The following PCLO variants were observed in gnomAD, a reference collection of about 807,000 sequenced individuals.
PCLO encodes the protein piccolo presynaptic cytomatrix protein.
Under a neutral mutation model 427.5 loss-of-function variants are expected in PCLO, and 82 were observed. The ratio of observed to expected loss-of-function variants is 0.19; its 90% CI spans 0.16 to 0.23. The LOEUF is 0.23. Ranked by LOEUF, PCLO falls within the 10% of genes least tolerant of loss-of-function variation. The pLI is 1.00. For missense variants in PCLO, 6,239 were observed against 6,115.9 expected (o/e 1.02, Z -0.67); for synonymous variants, 2,357 against 2,155.4 (o/e 1.09, Z -2.59).
intron 3 of PCLO, among the ~76,000 whole-genome samples, chr7:82,983,845 T>C (rs1305264272): frequency 1.3e-5 from 2 of 151,942 alleles, no homozygotes; most frequent in East Asian, 1.9e-4. Context: ...ATAATCTCAC[T>C]GCAGCAATTC....
chr7:82,900,673 T>C (rs1348061715), intron 9 of PCLO, among the ~76,000 whole-genome samples: 2 of 151,660 alleles, frequency 1.3e-5, no homozygotes, highest in South Asian at 2.1e-4. Flanking sequence ...TTAAATGCAA[T>C]GTGGGATCCT....
At chr7:82,828,970 G>C (rs1792022563) in intron 16 of PCLO, among the ~76,000 whole-genome samples, 1 of 152,138 alleles carries the variant, frequency 6.6e-6, no homozygotes, top group Admixed American at 6.6e-5. Context: ...CTAAAAGGGG[G>C]CTGGACCCTG....
chr7:82,902,680 G>A lies in PCLO; in HGVS notation c.13499C>T (p.Thr4500Ile), dbSNP rs1278468312. The A allele has an allele frequency of 6.3e-7, 1 of 1,597,224 alleles. No individual in the cohort carries two copies. Among genetic ancestry groups the A allele is most frequent in the Non-Finnish European group, 8.6e-7 (1 of 1,165,830 alleles). The change falls in exon 9 of 25, where the codon ACA becomes ATA. Residue 4500 changes from threonine to isoleucine, a missense_variant. Transcript: ENST00000333891. ...YIFPHARIKITRDSKDHTVSG... is the reference protein window; with the variant it reads ...YIFPHARIKIIRDSKDHTVSG... ...AACTGTGTGATCCTTTGAGTCTCTT[G>A]TTATTTTTATCCTTGCGTGAGGAAA...
chr7:82,847,591 A>T (rs1000889092), intron 10 of PCLO, among the ~76,000 whole-genome samples: 9 of 152,320 alleles, frequency 5.9e-5, no homozygotes, highest in Non-Finnish European at 1.0e-4. Context: ...ACAAACAAAC[A>T]ATTAGAAACC....
At chr7:82,978,589 T>C (rs1008021055) in intron 3 of PCLO, among the ~76,000 whole-genome samples, 3 of 152,024 alleles carry the variant, frequency 2.0e-5, no homozygotes, top group Admixed American at 6.6e-5. Flanking sequence ...AAAAATACGA[T>C]GAATATATAT....
At chr7:82,898,231 A>C (rs1793953913) in intron 9 of PCLO, among the ~76,000 whole-genome samples, 1 of 151,426 alleles carries the variant, frequency 6.6e-6, no homozygotes, top group Non-Finnish European at 1.5e-5. Context: ...TCAGCATGAA[A>C]AAGGCAAATT....
chr7:82,986,037 C>A (rs560243673), intron 3 of PCLO, among the ~76,000 whole-genome samples: 7 of 151,812 alleles, frequency 4.6e-5, no homozygotes, highest in Non-Finnish European at 8.8e-5. Context: ...ATCATGATTA[C>A]TAATACCTTA....
rs189508411 is a variant in PCLO at position 83,071,314 on chromosome 7, T to C, written c.3300+62936A>G. Among the ~76,000 whole-genome samples, 18 of 152,350 alleles carry C rather than the reference T, an allele frequency of 1.2e-4. 1 individual carries two copies. The highest frequency in any genetic ancestry group is 9.1e-4 in the Admixed American group (14 of 15,304). ...TGAAACTACTAAAACTGTTTTAAAG[T>C]ATTTCTTAAATGTGACAATAGTTAT... On this transcript the variant is annotated intron_variant, in intron 3 of 24. Transcript: ENST00000333891.
chr7:83,002,688 T>A (rs1787853870), intron 3 of PCLO, among the ~76,000 whole-genome samples: 1 of 151,940 alleles, frequency 6.6e-6, no homozygotes, highest in African/African-American at 2.4e-5. Flanking sequence ...GACAAGATAA[T>A]GTTATACTGT....
intron 10 of PCLO, 24 bp downstream of exon 10, chr7:82,879,313 T>A: frequency 6.3e-7 from 1 of 1,583,722 alleles, no homozygotes; most frequent in Non-Finnish European, 8.6e-7. Context: ...CATTTTATTT[T>A]ACTGTAAAAT....
intron 6 of PCLO, among the ~76,000 whole-genome samples, chr7:82,932,814 T>C (rs10243189): frequency 0.55 from 83,476 of 151,812 alleles, 23,396 homozygotes; most frequent in East Asian, 0.8. Flanking sequence ...AAAACAAACA[T>C]CCTTAGGTTC....
At chr7:82,865,294 C>A (rs967528092) in intron 10 of PCLO, among the ~76,000 whole-genome samples, 1 of 152,104 alleles carries the variant, frequency 6.6e-6, no homozygotes, top group Non-Finnish European at 1.5e-5. Context: ...TCGAGACCAG[C>A]CTGACCAACA....
intron 3 of PCLO, among the ~76,000 whole-genome samples, chr7:82,969,836 G>A (rs1027277392): frequency 1.3e-5 from 2 of 152,090 alleles, no homozygotes; most frequent in African/African-American, 2.4e-5. Context: ...TTGCAATGCA[G>A]AAGAGAGAGA....
At position 82,757,211 on chromosome 7, in the gene PCLO, T is replaced by C. The variant is rs1053552873; in HGVS notation, c.*1364A>G. On this transcript the variant is annotated 3_prime_UTR_variant, in exon 25 of 25. Coordinates refer to ENST00000333891, the MANE Select transcript of PCLO (RefSeq NM_033026.6). Reference sequence around the variant, plus strand: ...CAGAAGACAGGCTTTTATTCCCTGCTGAGTGTTTTTTCCACAACTTCACGT... The same window carrying C: ...CAGAAGACAGGCTTTTATTCCCTGCCGAGTGTTTTTTCCACAACTTCACGT... 1 of 152,078 alleles carries C rather than the reference T, an allele frequency of 6.6e-6. No individual in the cohort carries two copies. Among genetic ancestry groups the C allele is most frequent in the Non-Finnish European group, 1.5e-5 (1 of 67,984 alleles). 9.4% of individuals were successfully genotyped at this position (152,078 alleles called of 1,614,324 possible).
In PCLO at chr7:82,827,870, T is replaced by C. The variant is rs1249867861; in HGVS notation, c.14343+3A>G. On this transcript the variant is annotated splice_donor_region_variant and intron_variant, in intron 17 of 24. Coordinates refer to ENST00000333891, the MANE Select transcript of PCLO (RefSeq NM_033026.6). ...CTGTCACCTAGAAATAATCTTGACA[T>C]ACCTGTTCCATGGAAATACTTTTAT... is the stretch of plus-strand genomic sequence containing the variant. 6.8e-7 allele frequency: 1 copy of C among 1,468,370 alleles called. No homozygotes were observed. 91.0% of individuals were successfully genotyped at this position (1,468,370 alleles called of 1,614,324 possible).
chr7:82,927,996 T>C (rs1262149265), intron 6 of PCLO, among the ~76,000 whole-genome samples: 1 of 152,206 alleles, frequency 6.6e-6, no homozygotes, highest in East Asian at 1.9e-4. Flanking sequence ...AAAATTTATT[T>C]ATTCATTTAT....
At chr7:83,071,867 T>C (rs111560109) in intron 3 of PCLO, among the ~76,000 whole-genome samples, 1 of 152,148 alleles carries the variant, frequency 6.6e-6, no homozygotes, top group Non-Finnish European at 1.5e-5. Flanking sequence ...TCATCAATAA[T>C]TACATATATC....
chr7:83,116,950 T>A (rs1188632445), intron 3 of PCLO, among the ~76,000 whole-genome samples: 2 of 152,176 alleles, frequency 1.3e-5, no homozygotes, highest in African/African-American at 4.8e-5. Flanking sequence ...TATCTATCAA[T>A]GGATGAATGA....
Position 82,949,738 on chromosome 7 carries a change from G to T in PCLO, c.10850C>A (p.Pro3617His). The T allele has an allele frequency of 6.2e-7, 1 of 1,613,796 alleles. No individual in the cohort carries two copies. The highest frequency in any genetic ancestry group is 8.5e-7 in the Non-Finnish European group (1 of 1,179,834). Reference sequence around the variant, plus strand: ...TGAGTAAAGGACTTTGGGGGATTTGGGTGGGGAAGGAGCCAGCTGTACTGT... The same window carrying T: ...TGAGTAAAGGACTTTGGGGGATTTGTGTGGGGAAGGAGCCAGCTGTACTGT... Reference protein sequence around the residue: ...DSTVQLAPSPPKSPKVLYSPI... With the variant: ...DSTVQLAPSPHKSPKVLYSPI... Residue 3617 changes from proline to histidine, a missense_variant, in exon 6 of 25, where the codon CCC becomes CAC. This residue lies in a region of PCLO where 4,677 missense variants were observed against 4,468.4 expected (regional missense o/e 1.05). Transcript: ENST00000333891.
Sources: allele counts gnomAD v4.1 joint callset (sites outside exome capture counted in the v4.1 genomes callset), GRCh38; gene constraint gnomAD v4.1.1; regional missense constraint gnomAD v4.1.1; transcripts MANE v1.5; gene names NCBI Gene and HGNC (gene_info 2026-07-23, HGNC 2026-07-21).